OR1B1: variants seen among roughly 807,000 people sequenced by gnomAD.
OR1B1 encodes olfactory receptor family 1 subfamily B member 1, also known as olfactory receptor 1B1.
For missense variants in OR1B1, 414 were observed against 402.1 expected (o/e 1.03, Z -0.25); for synonymous variants, 168 against 156.2 (o/e 1.08, Z -0.57).
the OR1B1 span, among the ~76,000 whole-genome samples, chr9:122,647,779 T>TA: frequency 0.022 from 3,385 of 152,290 alleles, 128 homozygotes; most frequent in African/African-American, 0.078. Context: ...AATTCACACC[T>TA]GTACCCACTG....
At chr9:122,651,287 T>TCTTC in the OR1B1 span, among the ~76,000 whole-genome samples, 1 of 152,154 alleles carries the variant, frequency 6.6e-6, no homozygotes, top group South Asian at 2.1e-4. Context: ...AGCATATCCA[T>TCTTC]CATCTCAAAC....
the OR1B1 span, among the ~76,000 whole-genome samples, chr9:122,642,726 C>G: frequency 5.3e-5 from 8 of 152,184 alleles, no homozygotes; most frequent in Non-Finnish European, 1.0e-4. Flanking sequence ...CCTAATCACT[C>G]ACACAGTCAT....
the OR1B1 span, among the ~76,000 whole-genome samples, chr9:122,638,738 A>G: frequency 6.8e-4 from 104 of 152,274 alleles, no homozygotes; most frequent in African/African-American, 2.4e-3. Flanking sequence ...CCCAGGCAGG[A>G]CCCATGTTTC....
exon 1 of OR1B1, chr9:122,629,207 C>G: frequency 6.2e-7 from 1 of 1,613,950 alleles, no homozygotes; most frequent in Non-Finnish European, 8.5e-7. Flanking sequence ...ATCTGTAACC[C>G]CAAATGCATA....
chr9:122,629,081 A>C (rs141892352), exon 1 of OR1B1: 1 of 1,614,020 alleles, frequency 6.2e-7, no homozygotes, highest in African/African-American at 1.3e-5. Context: ...TATGGACACC[A>C]CCCAGCTCAA....
chr9:122,644,597 TCAC>T, the OR1B1 span, among the ~76,000 whole-genome samples: 5 of 152,192 alleles, frequency 3.3e-5, no homozygotes, highest in African/African-American at 4.8e-5. Flanking sequence ...GGTGTTGGCA[TCAC>T]CACATCCCCA....
At chr9:122,633,500 A>G (rs2118813993), upstream of OR1B1, among the ~76,000 whole-genome samples, 1 of 152,368 alleles carries the variant, frequency 6.6e-6, no homozygotes, top group African/African-American at 2.4e-5. Context: ...AATAATCAAC[A>G]GAATGAAAAG....
upstream of OR1B1, among the ~76,000 whole-genome samples, chr9:122,634,343 A>G (rs1830236390): frequency 6.6e-6 from 1 of 151,906 alleles, no homozygotes. Flanking sequence ...CTCAAAAAAA[A>G]AAAAAAGAAA....
chr9:122,641,876 A>T, the OR1B1 span, among the ~76,000 whole-genome samples: 2 of 152,220 alleles, frequency 1.3e-5, no homozygotes, highest in Non-Finnish European at 2.9e-5. Flanking sequence ...TTTAATTGTC[A>T]ATGAAAAATA....
chr9:122,630,027 G>A (rs886261705), upstream of OR1B1, among the ~76,000 whole-genome samples: 2 of 152,096 alleles, frequency 1.3e-5, no homozygotes, highest in Non-Finnish European at 2.9e-5. Flanking sequence ...CAATTCTTTC[G>A]ACATAGCTGA....
the OR1B1 span, among the ~76,000 whole-genome samples, chr9:122,641,902 A>T: frequency 6.6e-6 from 1 of 152,210 alleles, no homozygotes; most frequent in Non-Finnish European, 1.5e-5. Context: ...TTTTTAAAAA[A>T]GATCTTTGAA....
chr9:122,645,283 A>G, the OR1B1 span, among the ~76,000 whole-genome samples: 703 of 152,254 alleles, frequency 4.6e-3, 1 homozygote, highest in African/African-American at 0.016. Flanking sequence ...ATACTATAAG[A>G]TCTAGAAAAT....
chr9:122,630,322 C>T (rs1830191927), upstream of OR1B1, among the ~76,000 whole-genome samples: 1 of 152,196 alleles, frequency 6.6e-6, no homozygotes, highest in African/African-American at 2.4e-5. Context: ...TAGTTAATAG[C>T]ATTATCATTA....
chr9:122,631,001 T>C (rs2416889), upstream of OR1B1, among the ~76,000 whole-genome samples: 134,580 of 151,924 alleles, frequency 0.89, 59,992 homozygotes, highest in South Asian at 0.96. Context: ...CCACCGTGCC[T>C]GGTCCCAGTG....
At chr9:122,631,625 G>A (rs116550895), upstream of OR1B1, among the ~76,000 whole-genome samples, 1,163 of 152,298 alleles carry the variant, frequency 7.6e-3, 20 homozygotes, top group African/African-American at 0.027. Flanking sequence ...TGGCAGGTAG[G>A]TTCAAGGGCA....
chr9:122,641,509 A>G, the OR1B1 span, among the ~76,000 whole-genome samples: 1 of 152,278 alleles, frequency 6.6e-6, no homozygotes, highest in East Asian at 1.9e-4. Flanking sequence ...AAGAGTAAGA[A>G]TGGAAATGCA....
chr9:122,631,580 C>G (rs1587980768), upstream of OR1B1, among the ~76,000 whole-genome samples: 2 of 152,026 alleles, frequency 1.3e-5, no homozygotes, highest in Admixed American at 1.3e-4. Flanking sequence ...TAAAAACTAT[C>G]TGTGATTATG....
chr9:122,636,638 T>TAAAC, the OR1B1 span, among the ~76,000 whole-genome samples: 2 of 152,096 alleles, frequency 1.3e-5, no homozygotes, highest in Middle Eastern at 3.4e-3. Context: ...AATAAATAAA[T>TAAAC]AAACAAACAA....
chr9:122,630,600 C>T (rs1430664898), upstream of OR1B1, among the ~76,000 whole-genome samples: 3 of 152,174 alleles, frequency 2.0e-5, no homozygotes, highest in Admixed American at 1.3e-4. Context: ...TCAGGGACTT[C>T]AGAATAAAAT....
Sources: gnomAD v4.1 joint callset for allele counts (sites outside exome capture counted in the v4.1 genomes callset) on GRCh38, gnomAD v4.1.1 for gene constraint, MANE v1.5 for transcripts, NCBI Gene and HGNC (gene_info 2026-07-23, HGNC 2026-07-21) for gene names.